The following NAALADL2 variants were observed in gnomAD, a reference collection of about 807,000 sequenced individuals.
The protein encoded by NAALADL2 is inactive N-acetylated-alpha-linked acidic dipeptidase-like protein 2.
Under a neutral mutation model 87.2 loss-of-function variants are expected in NAALADL2, and 76 were observed. That is an observed-to-expected ratio of 0.87 (90% confidence interval 0.72 to 1.05). The LOEUF (loss-of-function observed/expected upper bound fraction) is 1.05, where lower values mean the gene tolerates loss of function less well. Among genes scored for constraint, NAALADL2 ranks in the 50% least tolerant of loss-of-function variants. NAALADL2 has a pLI of 0.00. For missense variants in NAALADL2, 1,089 were observed against 945.8 expected (o/e 1.15, Z -1.99); for synonymous variants, 354 against 331.0 (o/e 1.07, Z -0.75).
chr3:175,317,458 A>G (rs867019638), intron 4 of NAALADL2, among the ~76,000 whole-genome samples: 6 of 151,948 alleles, frequency 3.9e-5, no homozygotes, highest in Middle Eastern at 3.4e-3. Flanking sequence ...ATCCCTCCCT[A>G]GACAGCTATT....
At chr3:174,955,346 G>A (rs979879130) in intron 1 of NAALADL2, among the ~76,000 whole-genome samples, 1 of 152,070 alleles carries the variant, frequency 6.6e-6, no homozygotes, top group African/African-American at 2.4e-5. Context: ...AAGTTTCACA[G>A]ACTGATTTTC....
intron 4 of NAALADL2, among the ~76,000 whole-genome samples, chr3:175,272,890 A>T (rs900738108): frequency 2.6e-5 from 4 of 152,118 alleles, no homozygotes; most frequent in African/African-American, 9.7e-5. Context: ...GGAAAATCAA[A>T]GATTAAAATA....
intron 2 of NAALADL2, among the ~76,000 whole-genome samples, chr3:174,668,484 A>G (rs1245210019): frequency 2.0e-5 from 3 of 152,106 alleles, no homozygotes; most frequent in Non-Finnish European, 2.9e-5. Context: ...GGTTAGTTAC[A>G]TATGTATACA....
At chr3:174,870,025 AAAAAAG>A (rs1239950759) in intron 1 of NAALADL2, among the ~76,000 whole-genome samples, 235 of 151,390 alleles carry the variant, frequency 1.6e-3, no homozygotes, top group South Asian at 0.011. Flanking sequence ...AAAAAAAAAA[AAAAAAG>A]GCTAATTATG....
intron 1 of NAALADL2, among the ~76,000 whole-genome samples, chr3:174,506,499 GGCTTTGCATTAAAAATGCT>G (rs1431263690): frequency 2.6e-5 from 4 of 151,868 alleles, no homozygotes; most frequent in Admixed American, 6.6e-5. Flanking sequence ...CATTTTTAAC[GGCTTTGCATTAAAAATGCT>G]GTCTGTGGCA....
chr3:175,802,327 T>G (rs953445986), intron 13 of NAALADL2, among the ~76,000 whole-genome samples: 1 of 144,330 alleles, frequency 6.9e-6, no homozygotes, highest in African/African-American at 2.7e-5. Context: ...TGATTTTTTT[T>G]TGGGGGGGGA....
In NAALADL2 at chr3:174,763,311, G is replaced by A. The variant is rs554610998; in HGVS notation, c.-9+25565G>A. Among the ~76,000 whole-genome samples, 40 of 151,894 alleles carry A rather than the reference G, an allele frequency of 2.6e-4. No individual in the cohort carries two copies. In the South Asian group the frequency reaches 7.1e-3, roughly 27 times the overall value. On this transcript the variant is annotated intron_variant, in intron 3 of 3. Coordinates refer to the NAALADL2 transcript ENST00000434257. ...TTATTCAGATACAAAAATGTTGGCC[G>A]GGCGCAGTGGCTCATGCCTGTAATC...
chr3:174,735,276 T>C (rs1363095060), intron 2 of NAALADL2, among the ~76,000 whole-genome samples: 1 of 152,216 alleles, frequency 6.6e-6, no homozygotes, highest in Non-Finnish European at 1.5e-5. Flanking sequence ...CAGTCATTTA[T>C]TGAGCACCTA....
At chr3:175,335,759 A>G (rs985529143) in intron 5 of NAALADL2, among the ~76,000 whole-genome samples, 4 of 152,224 alleles carry the variant, frequency 2.6e-5, no homozygotes, top group Admixed American at 6.5e-5. Context: ...TTGCCTATCA[A>G]CAGCCACTCA....
chr3:175,404,876 G>C (rs1301041707), intron 5 of NAALADL2, among the ~76,000 whole-genome samples: 5 of 152,080 alleles, frequency 3.3e-5, no homozygotes, highest in Non-Finnish European at 7.4e-5. Flanking sequence ...TATTTACTGA[G>C]GCTAGCAATT....
intron 9 of NAALADL2, among the ~76,000 whole-genome samples, chr3:175,505,074 A>G (rs1437718122): frequency 6.6e-6 from 1 of 152,140 alleles, no homozygotes; most frequent in Non-Finnish European, 1.5e-5. Context: ...CAAACTCTGG[A>G]GAAAGCCAGT....
chr3:175,533,452 C>A (rs976076177), intron 9 of NAALADL2, among the ~76,000 whole-genome samples: 2 of 152,100 alleles, frequency 1.3e-5, no homozygotes, highest in Non-Finnish European at 2.9e-5. Context: ...ACTGTTGCCT[C>A]AGGCAGCACA....
chr3:175,501,913 T>C (rs927465246), intron 9 of NAALADL2, among the ~76,000 whole-genome samples: 2 of 152,040 alleles, frequency 1.3e-5, no homozygotes, highest in Non-Finnish European at 2.9e-5. Flanking sequence ...AGTTCCAAAG[T>C]CAAGTACTAT....
intron 2 of NAALADL2, among the ~76,000 whole-genome samples, chr3:174,653,915 G>T (rs919055412): frequency 6.6e-6 from 1 of 152,016 alleles, no homozygotes; most frequent in African/African-American, 2.4e-5. Flanking sequence ...AGAGTTCTGA[G>T]CTTCTGTGAG....
intron 1 of NAALADL2, among the ~76,000 whole-genome samples, chr3:174,544,567 C>CTTTTTTTTTT (rs10575227): frequency 2.5e-4 from 29 of 115,138 alleles, no homozygotes; most frequent in Non-Finnish European, 3.7e-4. Flanking sequence ...TTTTTGTTTT[C>CTTTTTTTTTT]TTTTTTTTTT....
At chr3:175,780,592 T>G (rs1441146646) in intron 13 of NAALADL2, among the ~76,000 whole-genome samples, 2 of 152,196 alleles carry the variant, frequency 1.3e-5, no homozygotes, top group African/African-American at 2.4e-5. Context: ...AAAGCTGGTA[T>G]GGTTTATCCT....
intron 5 of NAALADL2, among the ~76,000 whole-genome samples, chr3:175,376,100 A>G (rs1460931770): frequency 6.6e-6 from 1 of 152,084 alleles, no homozygotes; most frequent in African/African-American, 2.4e-5. Context: ...ATTGCTATAG[A>G]CCAGATTATA....
At chr3:174,525,964 A>C (rs919983594) in intron 1 of NAALADL2, among the ~76,000 whole-genome samples, 1 of 152,182 alleles carries the variant, frequency 6.6e-6, no homozygotes, top group Non-Finnish European at 1.5e-5. Flanking sequence ...CATAGATTTT[A>C]ATTAGTCAAA....
chr3:175,742,475 G>A (rs1414114105), intron 12 of NAALADL2, among the ~76,000 whole-genome samples: 4 of 151,050 alleles, frequency 2.6e-5, no homozygotes, highest in African/African-American at 7.4e-5. Context: ...TTGGCTCACT[G>A]CAAGCTCCGC....
Sources: allele counts gnomAD v4.1 joint callset (sites outside exome capture counted in the v4.1 genomes callset), GRCh38; gene constraint gnomAD v4.1.1; transcripts MANE v1.5; gene names NCBI Gene and HGNC (gene_info 2026-07-23, HGNC 2026-07-21).